The following ASXL2 variants were observed in gnomAD, a reference collection of about 807,000 sequenced individuals.
The protein encoded by ASXL2 is putative Polycomb group protein ASXL2.
Under a neutral mutation model 122.0 loss-of-function variants are expected in ASXL2, and 23 were observed. That is an observed-to-expected ratio of 0.19 (90% CI 0.14 to 0.27). The LOEUF is 0.27. ASXL2 is among the 10% of genes least tolerant of loss of function. The pLI, the probability that ASXL2 is intolerant of heterozygous loss-of-function variation, is 1.00. For synonymous variants in ASXL2, 650 were observed against 637.0 expected, an observed-to-expected ratio of 1.02 and a Z score of -0.31; for missense variants, 1,518 against 1,713.8, an observed-to-expected ratio of 0.89 and a Z score of 2.02.
Position 25,737,399 on chromosome 2 carries a change from G to A in ASXL2, c.*4630C>T, listed in dbSNP as rs1225858328. ...CAATGGGCACATTAATAAAGAGGCT[G>A]CACCGCATTTCTTCACTTTTCCAGT... On this transcript the variant is annotated 3_prime_UTR_variant, in exon 13 of 13. Transcript: ENST00000435504. 2 of 152,036 alleles carry A rather than the reference G, an allele frequency of 1.3e-5. No individual in the cohort carries two copies. Among genetic ancestry groups the A allele is most frequent in the African/African-American group, 2.4e-5 (1 of 41,394 alleles). The allele number at this position is 152,036 out of a possible 1,614,324, so 9.4% of individuals were successfully genotyped here. A position where few individuals can be genotyped will look rare whatever the true frequency, so the allele number is the denominator to read the frequency against.
chr2:25,809,794 GAC>G, intron 3 of ASXL2: 1 of 415,122 alleles, frequency 2.4e-6, no homozygotes, highest in South Asian at 1.9e-5. Context: ...TAGCGAAAAA[GAC>G]ACAGGGGAGG....
chr2:25,792,355 G>A (rs948511777), intron 5 of ASXL2, among the ~76,000 whole-genome samples: 2 of 152,082 alleles, frequency 1.3e-5, no homozygotes, highest in Non-Finnish European at 2.9e-5. Flanking sequence ...TAAACTAATG[G>A]CTTAAACAAC....
intron 1 of ASXL2, among the ~76,000 whole-genome samples, chr2:25,868,063 T>C (rs975583794): frequency 2.6e-5 from 4 of 152,356 alleles, no homozygotes; most frequent in South Asian, 4.1e-4. Context: ...ATCAGGATTG[T>C]GGGTACAGGT....
At chr2:25,755,979 C>T in intron 10 of ASXL2, 39 bp downstream of exon 10, 1 of 1,527,682 alleles carries the variant, frequency 6.5e-7, no homozygotes, top group South Asian at 1.1e-5. Flanking sequence ...GCTCTGAGTG[C>T]ACACACCACC....
chr2:25,741,257 G>C lies in ASXL2; in HGVS notation c.*772C>G. The C allele has an allele frequency of 4.4e-6, 1 of 226,122 alleles. No homozygotes were observed. The highest frequency in any genetic ancestry group is 6.4e-5 in the East Asian group (1 of 15,724). The allele number at this position is 226,122 out of a possible 1,614,324, so 14.0% of individuals were successfully genotyped here. Reference sequence around the variant, plus strand: ...GCCTGTAACAACACAGGGGGTCCCAGAGAGGCACTCCCTTCACGGACTACA... The same window carrying C: ...GCCTGTAACAACACAGGGGGTCCCACAGAGGCACTCCCTTCACGGACTACA... On this transcript the variant is annotated 3_prime_UTR_variant, in exon 13 of 13. Transcript: ENST00000435504.
At chr2:25,745,550 C>A (rs1321263655) in intron 12 of ASXL2, among the ~76,000 whole-genome samples, 2 of 143,510 alleles carry the variant, frequency 1.4e-5, no homozygotes, top group Non-Finnish European at 1.5e-5. Context: ...CCAGAGGGAG[C>A]CTCCAGCTCA....
chr2:25,777,655 T>G (rs17680961), intron 5 of ASXL2, among the ~76,000 whole-genome samples: 39,091 of 151,960 alleles, frequency 0.26, 5,255 homozygotes, highest in Non-Finnish European at 0.29. Context: ...TATAATTCCT[T>G]TTAGTGACTA....
Position 25,750,094 on chromosome 2 carries a change from G to T in ASXL2, c.1462C>A (p.Leu488Ile). Residue 488 changes from leucine to isoleucine, a missense_variant, in exon 12 of 13, where the codon CTC (leucine) becomes ATC (isoleucine). Leu to Ile is a conservative substitution (Grantham distance 5). Coordinates refer to ENST00000435504, the MANE Select transcript of ASXL2 (RefSeq NM_018263.6). ...GAGGTGACTGGCTTCTGCTCCAAGAGATCCTCATCCTTTGGGCACTTGATG... is the reference window on the plus strand; with the variant it reads ...GAGGTGACTGGCTTCTGCTCCAAGATATCCTCATCCTTTGGGCACTTGATG... ...LPIKCPKDEDLLEQKPVTSAE... is the reference protein window; with the variant it reads ...LPIKCPKDEDILEQKPVTSAE... The T allele has an allele frequency of 1.2e-6, 2 of 1,613,926 alleles. No individual in the cohort carries two copies. Among genetic ancestry groups the T allele is most frequent in the Non-Finnish European group, 1.7e-6 (2 of 1,179,890 alleles).
At chr2:25,795,100 TA>T (rs2088893285) in intron 5 of ASXL2, among the ~76,000 whole-genome samples, 1 of 152,188 alleles carries the variant, frequency 6.6e-6, no homozygotes, top group South Asian at 2.1e-4. Flanking sequence ...CAGAGCTGCT[TA>T]AACATGAATC....
chr2:25,751,059 G>A (rs1262690086), intron 11 of ASXL2, among the ~76,000 whole-genome samples: 2 of 152,206 alleles, frequency 1.3e-5, no homozygotes, highest in African/African-American at 4.8e-5. Context: ...AAGCTATTCT[G>A]AGGGTATAGT....
chr2:25,845,251 G>T, intron 2 of ASXL2: 1 of 594,692 alleles, frequency 1.7e-6, no homozygotes, highest in South Asian at 1.5e-5. Context: ...AAAGTGCATG[G>T]GCTTAAAGAT....
intron 5 of ASXL2, among the ~76,000 whole-genome samples, chr2:25,776,389 G>C (rs542639133): frequency 6.6e-6 from 1 of 152,034 alleles, no homozygotes; most frequent in Non-Finnish European, 1.5e-5. Flanking sequence ...CTTATGTCAC[G>C]TTTTGTCTAT....
At chr2:25,866,642 T>C (rs1433415485) in intron 1 of ASXL2, among the ~76,000 whole-genome samples, 3 of 152,240 alleles carry the variant, frequency 2.0e-5, no homozygotes, top group Admixed American at 2.0e-4. Context: ...TCTCAAGGTA[T>C]GACTTTTATA....
chr2:25,738,874 G>A lies in ASXL2; in HGVS notation c.*3155C>T, dbSNP rs147299572. On this transcript the variant is annotated 3_prime_UTR_variant, in exon 13 of 13. Transcript: ENST00000435504. ...TCCCATTTGCCAGCTCTTATTCTTA[G>A]AAATGTTACATGAAATACCACAGAT... 0.011 allele frequency: 1,684 copies of A among 152,282 alleles called. 9 individuals carry two copies. Among genetic ancestry groups the A allele is most frequent in the Non-Finnish European group, 0.018 (1,225 of 68,016 alleles). The allele number at this position is 152,282 out of a possible 1,614,324, so 9.4% of individuals were successfully genotyped here. A position where few individuals can be genotyped will look rare whatever the true frequency, so the allele number is the denominator to read the frequency against.
intron 1 of ASXL2, among the ~76,000 whole-genome samples, chr2:25,875,517 AATC>A (rs1463051578): frequency 6.6e-6 from 1 of 151,898 alleles, no homozygotes; most frequent in Non-Finnish European, 1.5e-5. Flanking sequence ...AATAATTATG[AATC>A]TTATTATTTT....
chr2:25,747,916 C>G (rs957519231), intron 12 of ASXL2, among the ~76,000 whole-genome samples: 3 of 152,052 alleles, frequency 2.0e-5, no homozygotes, highest in Non-Finnish European at 4.4e-5. Flanking sequence ...CACCTATAAC[C>G]CTAGCACTTT....
At chr2:25,871,986 A>G (rs779636594) in intron 1 of ASXL2, among the ~76,000 whole-genome samples, 6 of 152,236 alleles carry the variant, frequency 3.9e-5, no homozygotes, top group Non-Finnish European at 8.8e-5. Context: ...GGTGAAAAGG[A>G]GAAATAAATT....
rs147630587 is a variant in ASXL2, at chr2:25,870,052, A to G, written c.57+8114T>C. 2.9e-3 allele frequency among the ~76,000 whole-genome samples: 443 copies of G among 152,212 alleles called. 2 individuals carry two copies. Among genetic ancestry groups the G allele is most frequent in the Middle Eastern group, 6.8e-3 (2 of 294 alleles). On this transcript the variant is annotated intron_variant, in intron 1 of 12. Transcript: ENST00000435504. The stretch of plus-strand genomic sequence containing the variant: ...GGAGTTTGATGCTGTAGTGCACTAC[A>G]TAGTCTTTATGATGAAAGAAGCATT...
chr2:25,766,932 C>T (rs1259941262), intron 8 of ASXL2, among the ~76,000 whole-genome samples: 2 of 152,096 alleles, frequency 1.3e-5, no homozygotes, highest in East Asian at 3.8e-4. Context: ...ATTGTATCTC[C>T]AATTCTTGAG....
Sources: gnomAD v4.1 joint callset for allele counts (sites outside exome capture counted in the v4.1 genomes callset) on GRCh38, gnomAD v4.1.1 for gene constraint, MANE v1.5 for transcripts, NCBI Gene and HGNC (gene_info 2026-07-23, HGNC 2026-07-21) for gene names.